FHIT: variants seen among roughly 807,000 people sequenced by gnomAD.
The protein encoded by FHIT is bis(5'-adenosyl)-triphosphatase.
A neutral mutation model predicts 17.9 loss-of-function variants in FHIT; 19 were observed. The observed-to-expected ratio is 1.06, with a 90% CI of 0.74 to 1.56. The LOEUF is 1.56. Ranked by LOEUF, FHIT falls within the 40% of genes most tolerant of loss-of-function variation. FHIT has a pLI of 0.00. For missense variants in FHIT, 248 were observed against 189.2 expected (o/e 1.31, Z -1.82); for synonymous variants, 81 against 69.7 (o/e 1.16, Z -0.81).
At chr3:60,392,178 T>G (rs1302095938) in intron 5 of FHIT, among the ~76,000 whole-genome samples, 2 of 152,194 alleles carry the variant, frequency 1.3e-5, no homozygotes, top group Non-Finnish European at 1.5e-5. Context: ...TTTGAGGCAC[T>G]AAGAAGATTA....
chr3:61,120,959 C>A (rs1183787305), intron 2 of FHIT, among the ~76,000 whole-genome samples: 2 of 151,404 alleles, frequency 1.3e-5, no homozygotes, highest in Non-Finnish European at 2.9e-5. Flanking sequence ...ACACAAGTAT[C>A]ATAGTCAAAT....
At chr3:59,794,672 T>C (rs1699705984) in intron 8 of FHIT, among the ~76,000 whole-genome samples, 2 of 152,224 alleles carry the variant, frequency 1.3e-5, no homozygotes, top group Admixed American at 6.5e-5. Flanking sequence ...GTAACAGCAC[T>C]TCCTGTGTGC....
At chr3:60,598,842 T>C (rs572328364) in intron 4 of FHIT, among the ~76,000 whole-genome samples, 12 of 152,240 alleles carry the variant, frequency 7.9e-5, no homozygotes, top group African/African-American at 2.9e-4. Context: ...AATTCAGACA[T>C]GACTGTGTTT....
At chr3:60,922,312 C>G (rs1336171173) in intron 3 of FHIT, among the ~76,000 whole-genome samples, 2 of 152,186 alleles carry the variant, frequency 1.3e-5, no homozygotes, top group Admixed American at 1.3e-4. Flanking sequence ...GATAAAGAAA[C>G]CGTGTTTAAA....
In FHIT at chr3:59,913,719, C is replaced by T. The variant is rs76999115; in HGVS notation, c.348+8627G>A. Among the ~76,000 whole-genome samples, 11 of 152,218 alleles carry T rather than the reference C, an allele frequency of 7.2e-5. No homozygotes were observed. In the East Asian group the frequency reaches 1.9e-3, roughly 27 times the overall value. ...AACTATAGTTGTTTATGACCACTAA[C>T]CTTACACTAGAAGCCCAGTATGATT... On this transcript the variant is annotated intron_variant, in intron 8 of 9. Transcript: ENST00000492590.
intron 2 of FHIT, among the ~76,000 whole-genome samples, chr3:61,175,879 AT>A (rs2038143063): frequency 6.6e-6 from 1 of 152,190 alleles, no homozygotes; most frequent in South Asian, 2.1e-4. Flanking sequence ...AGTCTGTGAT[AT>A]TTTGCTACAG....
intron 3 of FHIT, among the ~76,000 whole-genome samples, chr3:60,957,233 C>CTTTTTTTTT (rs35221092): frequency 4.1e-4 from 40 of 97,134 alleles, no homozygotes; most frequent in Non-Finnish European, 4.2e-4. Flanking sequence ...TTCTTTCTTT[C>CTTTTTTTTT]TTTTTTTTTT....
At chr3:59,911,750 G>A (rs1313147525) in intron 8 of FHIT, among the ~76,000 whole-genome samples, 1 of 152,210 alleles carries the variant, frequency 6.6e-6, no homozygotes, top group Non-Finnish European at 1.5e-5. Flanking sequence ...GAGGCAGGCA[G>A]TGCCCAAGAA....
chr3:60,324,098 T>G (rs570775247), intron 5 of FHIT, among the ~76,000 whole-genome samples: 2 of 152,262 alleles, frequency 1.3e-5, no homozygotes, highest in South Asian at 4.2e-4. Context: ...TGTATTAGGA[T>G]ACACCAGGCA....
chr3:60,106,521 C>T (rs558321556), intron 5 of FHIT, among the ~76,000 whole-genome samples: 59 of 152,262 alleles, frequency 3.9e-4, no homozygotes, highest in African/African-American at 1.3e-3. Flanking sequence ...GTGTTCGTTC[C>T]TACTGATGGC....
At chr3:60,608,859 CATT>C (rs2038692399) in intron 4 of FHIT, among the ~76,000 whole-genome samples, 1 of 152,114 alleles carries the variant, frequency 6.6e-6, no homozygotes, top group African/African-American at 2.4e-5. Flanking sequence ...AATTTCTTCT[CATT>C]GAGTATTTTT....
intron 7 of FHIT, among the ~76,000 whole-genome samples, chr3:59,932,245 T>C (rs578128669): frequency 6.6e-5 from 10 of 152,050 alleles, no homozygotes; most frequent in African/African-American, 2.4e-4. Context: ...TGATAGGCAC[T>C]GGATAAACCC....
chr3:60,215,837 A>G (rs1395079904), intron 5 of FHIT, among the ~76,000 whole-genome samples: 4 of 152,210 alleles, frequency 2.6e-5, no homozygotes, highest in African/African-American at 7.2e-5. Flanking sequence ...GAAATTTCCA[A>G]TAATCTATGA....
intron 4 of FHIT, among the ~76,000 whole-genome samples, chr3:60,661,379 A>G (rs1394437767): frequency 6.6e-6 from 1 of 152,134 alleles, no homozygotes; most frequent in Middle Eastern, 3.2e-3. Flanking sequence ...GAATATCATT[A>G]TTTCATTTCT....
chr3:60,924,710 A>C (rs975019234), intron 3 of FHIT, among the ~76,000 whole-genome samples: 11 of 152,220 alleles, frequency 7.2e-5, no homozygotes, highest in Non-Finnish European at 1.5e-5. Context: ...TGGACGGAGA[A>C]TGACTTTGAC....
intron 7 of FHIT, among the ~76,000 whole-genome samples, chr3:59,936,161 T>A (rs1706228673): frequency 6.6e-6 from 1 of 152,210 alleles, no homozygotes; most frequent in Non-Finnish European, 1.5e-5. Flanking sequence ...GCTACTGTGG[T>A]TCTCTCTCAG....
intron 3 of FHIT, among the ~76,000 whole-genome samples, chr3:60,918,577 G>A (rs986227782): frequency 6.6e-6 from 1 of 152,132 alleles, no homozygotes; most frequent in Non-Finnish European, 1.5e-5. Context: ...AGGCTGAGAG[G>A]GTGAAGGAAT....
In FHIT at chr3:60,643,892, A is replaced by G. The variant is rs144096187; in HGVS notation, c.-17-106913T>C. 3.8e-4 allele frequency among the ~76,000 whole-genome samples: 58 copies of G among 152,326 alleles called. 1 individual carries two copies. The East Asian group carries it at 0.011, about 29-fold the overall frequency. On this transcript the variant is annotated intron_variant, in intron 4 of 9. Coordinates refer to ENST00000492590, the MANE Select transcript of FHIT (RefSeq NM_002012.4). ...ATGTTCTGTATTTGTGAGGGTAACT[A>G]TGAGACTTGAACAGTCCACCAGGGA...
At chr3:61,163,912 T>A (rs146208544) in intron 2 of FHIT, among the ~76,000 whole-genome samples, 1,831 of 152,296 alleles carry the variant, frequency 0.012, 21 homozygotes, top group Non-Finnish European at 0.018. Flanking sequence ...CCTCAGCCAT[T>A]AACCTGGCAA....
Sources: gnomAD v4.1 joint callset for allele counts (sites outside exome capture counted in the v4.1 genomes callset) on GRCh38, gnomAD v4.1.1 for gene constraint, MANE v1.5 for transcripts, NCBI Gene and HGNC (gene_info 2026-07-23, HGNC 2026-07-21) for gene names.